Variants in FBXO43 observed in about 807,000 individuals in gnomAD.
FBXO43 encodes F-box protein 43, also known as F-box only protein 43.
Under a neutral mutation model 56.7 loss-of-function variants are expected in FBXO43, and 22 were observed. The observed-to-expected ratio is 0.39, with a 90% CI of 0.28 to 0.55. The LOEUF (loss-of-function observed/expected upper bound fraction) is 0.55, where lower values mean the gene tolerates loss of function less well. FBXO43 is among the 20% of genes least tolerant of loss of function. The pLI is 0.66. For synonymous variants in FBXO43, 306 were observed against 294.5 expected (o/e 1.04, Z -0.40); for missense variants, 733 against 814.9 (o/e 0.90, Z 1.22).
intron 2 of FBXO43, among the ~76,000 whole-genome samples, 197 bp from the exon 3 acceptor site, chr8:100,137,864 T>C (rs183181744): frequency 8.9e-4 from 130 of 146,394 alleles, no homozygotes; most frequent in African/African-American, 3.1e-3. Context: ...TCCAATTGTA[T>C]ATGCCAGCAA....
intron 3 of FBXO43, 136 bp from the exon 4 acceptor site, chr8:100,134,500 G>GA (rs928091680): frequency 6.0e-3 from 2,987 of 495,872 alleles, no homozygotes; most frequent in South Asian, 8.1e-3. Flanking sequence ...TTCCTTTTCA[G>GA]AAAAAAAAAC....
At chr8:100,139,121 C>T (rs1273225948) in intron 2 of FBXO43, among the ~76,000 whole-genome samples, 1 of 152,088 alleles carries the variant, frequency 6.6e-6, no homozygotes, top group Non-Finnish European at 1.5e-5. Context: ...ATTCCTGTCG[C>T]CTTGAGTGGC....
chr8:100,137,510 T>G (rs1586342706), intron 3 of FBXO43, 55 bp downstream of exon 3: 1,338 of 1,165,398 alleles, frequency 1.1e-3, no homozygotes, highest in Non-Finnish European at 1.5e-3. Context: ...TCTAGCAACA[T>G]GAGATTATTA....
In FBXO43 at chr8:100,135,658, G is replaced by A. The variant is rs2132120369; in HGVS notation, c.1675-1294C>T. 1.3e-5 allele frequency among the ~76,000 whole-genome samples: 2 copies of A among 152,074 alleles called. 1 individual carries two copies. Among genetic ancestry groups the A allele is most frequent in the South Asian group, 4.2e-4 (2 of 4,814 alleles). On this transcript the variant is annotated intron_variant, in intron 3 of 4. Coordinates refer to ENST00000428847, the MANE Select transcript of FBXO43 (RefSeq NM_001029860.4). ...TTAACTCTGTCATCCAGGCTGGAGT[G>A]CAGTGGCATGATCTCAGCTCACTGC...
At chr8:100,149,316 G>C (rs1228282397), upstream of FBXO43, among the ~76,000 whole-genome samples, 1 of 152,160 alleles carries the variant, frequency 6.6e-6, no homozygotes, top group Non-Finnish European at 1.5e-5. Context: ...GAATTATCTT[G>C]ATATTTCAAC....
intron 1 of FBXO43, among the ~76,000 whole-genome samples, chr8:100,143,603 T>C (rs557836259): frequency 1.1e-4 from 16 of 152,230 alleles, no homozygotes; most frequent in Admixed American, 7.9e-4. Context: ...TTGCTTTTTA[T>C]AATTTTGTTA....
intron 3 of FBXO43, among the ~76,000 whole-genome samples, chr8:100,136,011 G>A (rs1814459329): frequency 6.6e-6 from 1 of 150,792 alleles, no homozygotes. Context: ...TTCTTCCTTA[G>A]AGGAGTTAAG....
At chr8:100,137,052 TTC>T (rs1183549275) in intron 3 of FBXO43, 1 of 91,802 alleles carries the variant, frequency 1.1e-5, no homozygotes, top group Non-Finnish European at 2.1e-5. Context: ...CAACAAGATG[TTC>T]TTTTTTTTTT....
chr8:100,143,109 T>C (rs1028366777), intron 1 of FBXO43, among the ~76,000 whole-genome samples: 1 of 146,288 alleles, frequency 6.8e-6, no homozygotes, highest in Non-Finnish European at 1.5e-5. Context: ...TCCTTCTTTT[T>C]AGAAACTTGA....
At position 100,133,435 on chromosome 8, in the gene FBXO43, G is replaced by C; in HGVS notation, c.*367C>G. 1 of 157,150 alleles carries C rather than the reference G, an allele frequency of 6.4e-6. No homozygotes were observed. The allele number at this position is 157,150 out of a possible 1,614,324, so 9.7% of individuals were successfully genotyped here. ...CCAAATCTATAAGGCCATCTGTCTA[G>C]AGTTCAAAATCTTTAATATTATCTG... On this transcript the variant is annotated 3_prime_UTR_variant, in exon 5 of 5. Coordinates refer to ENST00000428847, the MANE Select transcript of FBXO43 (RefSeq NM_001029860.4).
chr8:100,150,514 C>CTTT (rs1814899441), upstream of FBXO43: 2 of 152,266 alleles, frequency 1.3e-5, no homozygotes, highest in South Asian at 2.1e-4. Context: ...ATCTAATAGA[C>CTTT]AGAAAGCCCC....
chr8:100,134,700 G>T (rs1814417939), intron 3 of FBXO43, among the ~76,000 whole-genome samples: 1 of 152,082 alleles, frequency 6.6e-6, no homozygotes, highest in Admixed American at 6.6e-5. Context: ...TCTAGACTTT[G>T]TGGGCCATGT....
At chr8:100,145,023 C>T (rs751661086) in intron 1 of FBXO43, 28 bp downstream of exon 1, 24 of 1,596,728 alleles carry the variant, frequency 1.5e-5, no homozygotes, top group Non-Finnish European at 1.9e-5. Flanking sequence ...CCCAAATGTT[C>T]TTCATTTGTT....
At chr8:100,148,053 A>T (rs1318725106), upstream of FBXO43, among the ~76,000 whole-genome samples, 2 of 152,112 alleles carry the variant, frequency 1.3e-5, no homozygotes, top group African/African-American at 4.8e-5. Context: ...CTAAAATCCC[A>T]TATTATCTAC....
At chr8:100,135,912 G>A (rs952584109) in intron 3 of FBXO43, among the ~76,000 whole-genome samples, 2 of 151,334 alleles carry the variant, frequency 1.3e-5, no homozygotes, top group Non-Finnish European at 2.9e-5. Context: ...GGCCAAATAT[G>A]AGACTATTTC....
chr8:100,140,769 C>T lies in FBXO43; in HGVS notation c.1485G>A (p.Leu495=). 6.2e-7 allele frequency: 1 copy of T among 1,613,812 alleles called. No individual in the cohort carries two copies. Among genetic ancestry groups the T allele is most frequent in the Non-Finnish European group, 8.5e-7 (1 of 1,179,788 alleles). The change falls in exon 2 of 5, where the codon CTG becomes CTA. Residue 495 remains leucine, a synonymous_variant. Coordinates refer to ENST00000428847, the MANE Select transcript of FBXO43 (RefSeq NM_001029860.4). ...TATATTTTAATTCTGTTAAGATGTC[C>T]AGTTTTTCTATACCCATTTTCTTGC... ...LIGKKMGIEK[L]DILTELKYRN...
Position 100,137,554 on chromosome 8 carries a change from AC to A in FBXO43, c.1674+10del. 2 of 1,540,374 alleles carry A rather than the reference AC, an allele frequency of 1.3e-6. No individual in the cohort carries two copies. The highest frequency in any genetic ancestry group is 1.8e-6 in the Non-Finnish European group (2 of 1,115,580). ...TACAAATCCATTTTAGAGAAGTATTACATACATTACCTCAGAATCTGTTTTC... is the reference window on the plus strand; with the variant it reads ...TACAAATCCATTTTAGAGAAGTATTAATACATTACCTCAGAATCTGTTTTC... On this transcript the variant is annotated intron_variant, in intron 3 of 4. Transcript: ENST00000428847.
At chr8:100,135,890 G>C (rs3133666) in intron 3 of FBXO43, among the ~76,000 whole-genome samples, 8,256 of 151,810 alleles carry the variant, frequency 0.054, 676 homozygotes, top group African/African-American at 0.17. Context: ...ACAGGCATGA[G>C]CCACTGTGCC....
chr8:100,140,981 C>CACT lies in FBXO43; in HGVS notation c.1270_1272dup (p.Ser424dup). ...CTAAAGGTCAAATCCCCACTCTCAT[C>CACT]ACTACTCAGCTGACCCTCTGAGATG... On this transcript the variant is annotated inframe_insertion, in exon 2 of 5. Coordinates refer to ENST00000428847, the MANE Select transcript of FBXO43 (RefSeq NM_001029860.4). 1 of 1,614,250 alleles carries CACT rather than the reference C, an allele frequency of 6.2e-7. No individual in the cohort carries two copies. The highest frequency in any genetic ancestry group is 2.2e-5 in the East Asian group (1 of 44,886).
Sources: gnomAD v4.1 joint callset for allele counts (sites outside exome capture counted in the v4.1 genomes callset) on GRCh38, gnomAD v4.1.1 for gene constraint, MANE v1.5 for transcripts, NCBI Gene and HGNC (gene_info 2026-07-23, HGNC 2026-07-21) for gene names.